Variants in SNX27 observed in about 807,000 individuals in gnomAD.
SNX27 encodes the protein sorting nexin-27.
Under a neutral mutation model 71.6 loss-of-function variants are expected in SNX27, and 22 were observed. The observed-to-expected ratio is 0.31, with a 90% CI of 0.22 to 0.44. The LOEUF (loss-of-function observed/expected upper bound fraction) is 0.44. Among genes scored for constraint, SNX27 ranks in the 20% least tolerant of loss-of-function variants. The probability of loss-of-function intolerance (pLI) is 1.00; values close to 1 mark genes in which losing one functional copy is unlikely to be tolerated. For synonymous variants in SNX27, 269 were observed against 277.2 expected, an observed-to-expected ratio of 0.97 and a Z score of 0.29; for missense variants, 531 against 698.6, an observed-to-expected ratio of 0.76 and a Z score of 2.70.
intron 4 of SNX27, 110 bp from the exon 5 acceptor site, chr1:151,662,056 G>T (rs1029720066): frequency 1.6e-6 from 1 of 631,426 alleles, no homozygotes; most frequent in Non-Finnish European, 2.7e-6. Flanking sequence ...CGTTTTCATT[G>T]GAACTCACTT....
At chr1:151,694,086 T>C (rs1302368794) in intron 11 of SNX27, 13 of 1,245,014 alleles carry the variant, frequency 1.0e-5, no homozygotes, top group Non-Finnish European at 1.2e-5. Context: ...TTTATCTGGG[T>C]TTTCTCCTGG....
intron 1 of SNX27, among the ~76,000 whole-genome samples, chr1:151,630,552 ATAT>A (rs1456394290): frequency 1.3e-5 from 2 of 152,156 alleles, no homozygotes; most frequent in Admixed American, 6.5e-5. Context: ...GAGGGGCAAA[ATAT>A]TATTATTTCT....
chr1:151,650,539 T>C (rs1008202410), intron 2 of SNX27, among the ~76,000 whole-genome samples: 3 of 152,200 alleles, frequency 2.0e-5, no homozygotes, highest in African/African-American at 7.2e-5. Context: ...TTACACTGTT[T>C]GATATTGTCC....
chr1:151,680,223 C>A (rs982901014), intron 7 of SNX27: 1 of 148,322 alleles, frequency 6.7e-6, no homozygotes, highest in Non-Finnish European at 1.5e-5. Flanking sequence ...ATGATCTGGG[C>A]TCACGGAGAT....
rs375432895 is a variant in SNX27 at position 151,666,001 on chromosome 1, T to C, written c.975T>C (p.Ser325=). The C allele has an allele frequency of 1.9e-6, 3 of 1,611,416 alleles. No individual in the cohort carries two copies. The African/African-American group carries it at 4.0e-5, about 22-fold the overall frequency. The change falls in exon 6 of 12, where the codon AGT becomes AGC. Residue 325 remains serine, a synonymous_variant. Transcript: ENST00000458013. ...VNYFALFEVI[S]HSFVRKLAPN... is the part of the protein sequence containing the mutation. ...ACTTTGCCTTATTTGAAGTGATCAG[T>C]CACTCCTTTGGTAAGTACCAGTGGC...
chr1:151,634,513 C>A (rs1164355223), intron 1 of SNX27, among the ~76,000 whole-genome samples: 1 of 152,130 alleles, frequency 6.6e-6, no homozygotes, highest in Non-Finnish European at 1.5e-5. Flanking sequence ...CCTAGCTGGC[C>A]AACTTTGGTT....
At chr1:151,669,054 T>C (rs1670341799) in intron 7 of SNX27, 1 of 153,264 alleles carries the variant, frequency 6.5e-6, no homozygotes, top group Non-Finnish European at 1.5e-5. Context: ...GCTCTTGTTT[T>C]TTATTGGTTT....
At chr1:151,693,296 G>A (rs898605455) in intron 10 of SNX27, 128 bp from the exon 11 acceptor site, 8 of 1,033,724 alleles carry the variant, frequency 7.7e-6, no homozygotes, top group Middle Eastern at 2.3e-4. Context: ...TGGGTTTTAT[G>A]GTACTTGTCA....
At chr1:151,641,619 ATATATATATATC>A (rs1209492488) in intron 2 of SNX27, among the ~76,000 whole-genome samples, 8 of 133,078 alleles carry the variant, frequency 6.0e-5, no homozygotes, top group Middle Eastern at 3.8e-3. Context: ...ATATATATAT[ATATATATATATC>A]ATATGTATCA....
intron 8 of SNX27, among the ~76,000 whole-genome samples, chr1:151,685,819 G>A (rs377674688): frequency 9.9e-5 from 15 of 152,282 alleles, no homozygotes; most frequent in African/African-American, 2.9e-4. Flanking sequence ...GAAAATTGCC[G>A]AAGATCAGGG....
intron 1 of SNX27, chr1:151,614,062 T>C (rs1667318098): frequency 6.6e-6 from 1 of 152,120 alleles, no homozygotes; most frequent in Non-Finnish European, 1.5e-5. Flanking sequence ...TTCTTACTCA[T>C]CTCGTGCCAT....
rs1204279504 is a variant in SNX27 at position 151,692,797 on chromosome 1, C to T, written c.1390-114C>T. ...TTCTATCACAGTCCTTTCTCTGAAG[C>T]GATGCAGACATCCATTCATTTCTCT... On this transcript the variant is annotated intron_variant, in intron 9 of 11. Coordinates refer to ENST00000458013, the MANE Select transcript of SNX27 (RefSeq NM_001330723.2). 1.5e-5 allele frequency: 21 copies of T among 1,447,778 alleles called. No individual in the cohort carries two copies. Among genetic ancestry groups the T allele is most frequent in the Non-Finnish European group, 1.9e-5 (20 of 1,056,248 alleles). 89.7% of individuals were successfully genotyped at this position (1,447,778 alleles called of 1,614,324 possible).
chr1:151,658,460 G>A (rs774093950), intron 3 of SNX27, 33 bp downstream of exon 3: 35 of 1,588,452 alleles, frequency 2.2e-5, no homozygotes, highest in Non-Finnish European at 2.9e-5. Flanking sequence ...ACTATATTGA[G>A]TAGACGTAGG....
At chr1:151,653,462 G>T (rs1464023762) in intron 2 of SNX27, among the ~76,000 whole-genome samples, 1 of 152,054 alleles carries the variant, frequency 6.6e-6, no homozygotes, top group Admixed American at 6.6e-5. Context: ...TCTAGCAATG[G>T]GTTGCTATTA....
At chr1:151,663,120 T>G (rs1214475106) in intron 5 of SNX27, among the ~76,000 whole-genome samples, 2 of 152,172 alleles carry the variant, frequency 1.3e-5, no homozygotes, top group East Asian at 3.9e-4. Flanking sequence ...TGTTAAAATC[T>G]GAATCTAAAC....
At chr1:151,651,242 A>C (rs1571817311) in intron 2 of SNX27, among the ~76,000 whole-genome samples, 4 of 133,942 alleles carry the variant, frequency 3.0e-5, no homozygotes, top group South Asian at 2.4e-4. Context: ...TGACCCCCCG[A>C]CCTCCCTCCC....
chr1:151,651,610 C>T (rs567260754), intron 2 of SNX27, among the ~76,000 whole-genome samples: 180 of 151,448 alleles, frequency 1.2e-3, no homozygotes, highest in Middle Eastern at 0.01. Flanking sequence ...GACGGGGCGG[C>T]GGGGCAGAGG....
rs1671624677 is a variant in SNX27 at position 151,694,787 on chromosome 1, T to C, written c.*370T>C. The stretch of plus-strand genomic sequence containing the variant: ...TCCATTTGCACTGTTCAGACATATA[T>C]ATGTATGTATGTAAAAATTATATAT... On this transcript the variant is annotated 3_prime_UTR_variant, in exon 12 of 12. Transcript: ENST00000458013. 6.0e-6 allele frequency: 1 copy of C among 167,110 alleles called. No homozygotes were observed. Among genetic ancestry groups the C allele is most frequent in the African/African-American group, 2.4e-5 (1 of 42,014 alleles). The allele number at this position is 167,110 out of a possible 1,614,324, so 10.4% of individuals were successfully genotyped here. A position where few individuals can be genotyped will look rare whatever the true frequency, so the allele number is the denominator to read the frequency against.
chr1:151,673,237 G>A (rs1018506193), intron 7 of SNX27, among the ~76,000 whole-genome samples: 4 of 151,800 alleles, frequency 2.6e-5, no homozygotes, highest in African/African-American at 9.7e-5. Flanking sequence ...GGTCATTCAG[G>A]AGTATATTGT....
Sources: allele counts gnomAD v4.1 joint callset (sites outside exome capture counted in the v4.1 genomes callset), GRCh38; gene constraint gnomAD v4.1.1; transcripts MANE v1.5; gene names NCBI Gene and HGNC (gene_info 2026-07-23, HGNC 2026-07-21).